PTPRD: variants seen among roughly 807,000 people sequenced by gnomAD.
PTPRD encodes protein tyrosine phosphatase receptor type D.
A neutral mutation model predicts 214.5 loss-of-function variants in PTPRD; 34 were observed. That is an observed-to-expected ratio of 0.16 (90% CI 0.12 to 0.21). The LOEUF (loss-of-function observed/expected upper bound fraction) is 0.21. PTPRD is among the 10% of genes least tolerant of loss of function. PTPRD has a pLI of 1.00. For missense variants in PTPRD, 2,545 were observed against 2,398.7 expected (o/e 1.06, Z -1.27); for synonymous variants, 1,128 against 845.7 (o/e 1.33, Z -5.79).
chr9:10,503,904 C>T (rs1853229), intron 2 of PTPRD, among the ~76,000 whole-genome samples: 2,126 of 151,590 alleles, frequency 0.014, 170 homozygotes, highest in Admixed American at 0.12. Flanking sequence ...ATCATAAGGT[C>T]AGGAGATCAA....
intron 5 of PTPRD, among the ~76,000 whole-genome samples, chr9:9,825,999 G>A (rs765839224): frequency 2.0e-5 from 3 of 151,422 alleles, no homozygotes; most frequent in African/African-American, 4.8e-5. Context: ...TCAATACATA[G>A]CTTCCAATAT....
At chr9:10,572,977 T>G (rs1432246219) in intron 2 of PTPRD, among the ~76,000 whole-genome samples, 2 of 152,148 alleles carry the variant, frequency 1.3e-5, no homozygotes, top group African/African-American at 4.8e-5. Context: ...CCATTCCAGA[T>G]GAGGTACTGT....
chr9:10,207,514 C>T (rs1594209651), intron 3 of PTPRD, among the ~76,000 whole-genome samples: 1 of 151,898 alleles, frequency 6.6e-6, no homozygotes, highest in African/African-American at 2.4e-5. Context: ...GGTATTAATT[C>T]TTTCTAAAAT....
At chr9:8,790,030 T>C (rs1446167959) in intron 11 of PTPRD, among the ~76,000 whole-genome samples, 1 of 152,172 alleles carries the variant, frequency 6.6e-6, no homozygotes, top group Non-Finnish European at 1.5e-5. Flanking sequence ...CTTTTTCTTT[T>C]TTTTGAGACA....
chr9:8,685,820 A>C (rs1010168444), intron 12 of PTPRD, among the ~76,000 whole-genome samples: 11 of 152,248 alleles, frequency 7.2e-5, no homozygotes, highest in Admixed American at 7.2e-4. Flanking sequence ...CTTTACATAC[A>C]GTGCTTTTTG....
chr9:8,520,160 G>A (rs985521352), intron 20 of PTPRD, among the ~76,000 whole-genome samples: 3 of 152,104 alleles, frequency 2.0e-5, no homozygotes, highest in African/African-American at 7.2e-5. Flanking sequence ...ATATTTAGCT[G>A]ACATTATTAG....
intron 34 of PTPRD, among the ~76,000 whole-genome samples, chr9:8,443,144 C>G (rs956753326): frequency 7.2e-5 from 11 of 152,168 alleles, no homozygotes; most frequent in African/African-American, 2.6e-4. Context: ...GATCCTGCCT[C>G]AAAACATTTT....
chr9:9,629,238 G>GTGTGTGTATATATATATATATA (rs149327972), intron 7 of PTPRD, among the ~76,000 whole-genome samples: 28 of 140,396 alleles, frequency 2.0e-4, no homozygotes, highest in African/African-American at 7.3e-4. Context: ...GTGTGTGTGT[G>GTGTGTGTATATATATATATATA]TATATATATA....
chr9:10,019,928 TA>T (rs76226466), intron 4 of PTPRD, among the ~76,000 whole-genome samples: 65,654 of 151,466 alleles, frequency 0.43, 16,246 homozygotes, highest in Middle Eastern at 0.62. Flanking sequence ...TAAAGTATAA[TA>T]AAAAAAATTA....
chr9:8,340,499 T>TAA, intron 41 of PTPRD, 30 bp from the exon 42 acceptor site: 1 of 1,533,356 alleles, frequency 6.5e-7, no homozygotes, highest in South Asian at 1.3e-5. Context: ...AAGAATGTGT[T>TAA]AAAGTATTTA....
intron 26 of PTPRD, among the ~76,000 whole-genome samples, 168 bp downstream of exon 26, chr9:8,497,074 C>G (rs945543917): frequency 6.6e-6 from 1 of 152,082 alleles, no homozygotes; most frequent in African/African-American, 2.4e-5. Flanking sequence ...TTTCACAAAA[C>G]AAAAACCAAA....
intron 2 of PTPRD, among the ~76,000 whole-genome samples, chr9:10,388,574 T>A (rs1011716429): frequency 6.6e-6 from 1 of 151,632 alleles, no homozygotes; most frequent in African/African-American, 2.4e-5. Context: ...ATATTTATAG[T>A]TAGAAATTAA....
At position 9,797,539 on chromosome 9, in the gene PTPRD, T is replaced by G. The variant is rs181870779; in HGVS notation, c.-367-30688A>C. On this transcript the variant is annotated intron_variant, in intron 5 of 45. Coordinates refer to ENST00000381196, the MANE Select transcript of PTPRD (RefSeq NM_002839.4). The stretch of plus-strand genomic sequence containing the variant: ...AATCCAAAACTGATGAGGCTATACT[T>G]GACGAAAAGGATCGTCTTCTGTCAG... 8.5e-5 allele frequency among the ~76,000 whole-genome samples: 13 copies of G among 152,206 alleles called. No individual in the cohort carries two copies. The East Asian group carries it at 2.5e-3, about 30-fold the overall frequency.
intron 10 of PTPRD, among the ~76,000 whole-genome samples, chr9:9,054,708 G>C (rs867993249): frequency 6.6e-6 from 1 of 152,160 alleles, no homozygotes; most frequent in African/African-American, 2.4e-5. Flanking sequence ...AACATTCATT[G>C]ATCATATACT....
At chr9:10,180,618 A>C (rs1194154402) in intron 3 of PTPRD, among the ~76,000 whole-genome samples, 1 of 151,352 alleles carries the variant, frequency 6.6e-6, no homozygotes, top group Non-Finnish European at 1.5e-5. Flanking sequence ...AAAAAAAAAA[A>C]AAAACTCATG....
chr9:9,918,701 A>C (rs979455259), intron 5 of PTPRD, among the ~76,000 whole-genome samples: 10 of 151,566 alleles, frequency 6.6e-5, no homozygotes, highest in African/African-American at 2.4e-4. Context: ...TGGCATAAAA[A>C]CAGAAAGAGA....
rs1250425659 is a variant in PTPRD, at chr9:8,485,833, C to T, written c.2984G>A (p.Arg995His). ...KPDTTYDVKV[R>H]AHTSKGPGPY... ...CCCGGGCCCTTTGCTCGTATGAGCA[C>T]GTACTTTTACATCGTATGTGGTATC... Residue 995 changes from arginine to histidine, a missense_variant, in exon 28 of 46, where the codon CGT becomes CAT. Transcript: ENST00000381196. 1.9e-6 allele frequency: 3 copies of T among 1,613,990 alleles called. No individual in the cohort carries two copies. The highest frequency in any genetic ancestry group is 2.2e-5 in the East Asian group (1 of 44,874).
intron 11 of PTPRD, among the ~76,000 whole-genome samples, chr9:9,017,197 A>C (rs887928081): frequency 3.9e-5 from 6 of 152,154 alleles, no homozygotes; most frequent in African/African-American, 1.2e-4. Context: ...AACAACCATA[A>C]ACGAACAACC....
At chr9:8,382,652 C>G (rs954438311) in intron 37 of PTPRD, among the ~76,000 whole-genome samples, 18 of 152,082 alleles carry the variant, frequency 1.2e-4, no homozygotes, top group African/African-American at 4.3e-4. Flanking sequence ...GTAGAACTTT[C>G]TAGATAAGGA....
Sources: allele counts gnomAD v4.1 joint callset (sites outside exome capture counted in the v4.1 genomes callset), GRCh38; gene constraint gnomAD v4.1.1; transcripts MANE v1.5; gene names NCBI Gene and HGNC (gene_info 2026-07-23, HGNC 2026-07-21).